Variants in PHF14 observed in about 807,000 individuals in gnomAD.
The protein encoded by PHF14 is PHD finger protein 14.
In PHF14, 55 loss-of-function variants were observed where a neutral mutation model predicts 117.9. That is an observed-to-expected ratio of 0.47 (90% CI 0.38 to 0.58). The LOEUF (loss-of-function observed/expected upper bound fraction) is 0.58. Among genes scored for constraint, PHF14 ranks in the 20% least tolerant of loss-of-function variants. The pLI, the probability that PHF14 is intolerant of heterozygous loss-of-function variation, is 0.00. For synonymous variants in PHF14, 409 were observed against 368.6 expected (o/e 1.11, Z -1.26); for missense variants, 978 against 1,122.2 (o/e 0.87, Z 1.84).
chr7:11,074,633 A>C (rs1785760197), intron 16 of PHF14, among the ~76,000 whole-genome samples: 1 of 152,206 alleles, frequency 6.6e-6, no homozygotes, highest in South Asian at 2.1e-4. Flanking sequence ...AACCTGTGTT[A>C]TCACTCTTAA....
chr7:11,068,137 T>A (rs916929647), intron 16 of PHF14, among the ~76,000 whole-genome samples: 6 of 151,858 alleles, frequency 4.0e-5, no homozygotes, highest in African/African-American at 1.5e-4. Context: ...AATCACGAGG[T>A]CAGGAGATCG....
At chr7:11,048,998 A>G (rs1291342043) in intron 13 of PHF14, among the ~76,000 whole-genome samples, 3 of 152,322 alleles carry the variant, frequency 2.0e-5, no homozygotes, top group South Asian at 4.1e-4. Flanking sequence ...AAGTGAACAT[A>G]AGAATAAAGA....
At chr7:10,977,450 C>T (rs527395152) in intron 2 of PHF14, among the ~76,000 whole-genome samples, 152 of 152,110 alleles carry the variant, frequency 1.0e-3, no homozygotes, top group Non-Finnish European at 1.9e-3. Flanking sequence ...TTTTATATTT[C>T]TGTTTGGTTT....
intron 4 of PHF14, among the ~76,000 whole-genome samples, chr7:11,001,493 C>G (rs1043018350): frequency 6.6e-6 from 1 of 152,112 alleles, no homozygotes; most frequent in African/African-American, 2.4e-5. Context: ...GAAGAAATGA[C>G]ATCTTGACAA....
chr7:11,076,466 G>A (rs1481294158), intron 16 of PHF14, among the ~76,000 whole-genome samples: 2 of 151,544 alleles, frequency 1.3e-5, no homozygotes, highest in Admixed American at 6.6e-5. Context: ...AACTTTAGAT[G>A]TCATTGGATT....
At chr7:11,104,674 A>G (rs1181793755) in intron 16 of PHF14, 1 of 949,384 alleles carries the variant, frequency 1.1e-6, no homozygotes, top group Non-Finnish European at 1.3e-6. Context: ...AACGTTGTGC[A>G]TTGGAATCAC....
chr7:11,113,110 G>C (rs530992640), intron 17 of PHF14, among the ~76,000 whole-genome samples: 7 of 151,878 alleles, frequency 4.6e-5, no homozygotes, highest in African/African-American at 1.4e-4. Context: ...AAACAAGTTA[G>C]GAAAACAATT....
intron 7 of PHF14, among the ~76,000 whole-genome samples, chr7:11,032,615 C>G (rs1330270788): frequency 1.3e-5 from 2 of 151,994 alleles, no homozygotes; most frequent in South Asian, 2.1e-4. Context: ...AAAAGAAAAC[C>G]TTGAATTTAA....
chr7:11,016,692 T>G (rs1426245187), intron 5 of PHF14, among the ~76,000 whole-genome samples: 1 of 152,200 alleles, frequency 6.6e-6, no homozygotes, highest in African/African-American at 2.4e-5. Context: ...AAGCACATCA[T>G]GGAGAATGGG....
chr7:11,146,523 T>G (rs1438397979), intron 17 of PHF14, among the ~76,000 whole-genome samples: 1 of 152,190 alleles, frequency 6.6e-6, no homozygotes, highest in Non-Finnish European at 1.5e-5. Context: ...AGTGAAAGAC[T>G]ACAAAATATT....
intron 16 of PHF14, among the ~76,000 whole-genome samples, chr7:11,097,898 CTT>C (rs1786937539): frequency 6.6e-6 from 1 of 152,012 alleles, no homozygotes; most frequent in East Asian, 1.9e-4. Context: ...AAAATGAAGA[CTT>C]TAACATTTAA....
intron 16 of PHF14, among the ~76,000 whole-genome samples, chr7:11,077,405 A>C (rs1317322151): frequency 1.3e-5 from 2 of 151,892 alleles, no homozygotes; most frequent in Admixed American, 1.3e-4. Flanking sequence ...GATGAAGACC[A>C]TCCTGGCCAA....
rs979613195 is a variant in PHF14 at position 11,150,906 on chromosome 7, G to C, written c.2773-18510G>C. ...TTTTGAAATTCAGTATGTTAATAAG[G>C]TTTCAAACAATCCTGAAAGTTTGAA... On this transcript the variant is annotated intron_variant, in intron 17 of 17. Transcript: ENST00000634607. Among the ~76,000 whole-genome samples the C allele has an allele frequency of 4.1e-4, 62 of 152,016 alleles. 2 individuals carry two copies. Among genetic ancestry groups the C allele is most frequent in the Non-Finnish European group, 2.5e-4 (17 of 67,982 alleles).
At chr7:10,994,695 G>A (rs1782571148) in intron 4 of PHF14, among the ~76,000 whole-genome samples, 4 of 152,202 alleles carry the variant, frequency 2.6e-5, no homozygotes, top group Admixed American at 1.3e-4. Flanking sequence ...TTTTAAAGGC[G>A]GCGTGTCCGG....
intron 16 of PHF14, among the ~76,000 whole-genome samples, chr7:11,066,792 T>C (rs964492493): frequency 2.0e-5 from 3 of 152,206 alleles, no homozygotes; most frequent in African/African-American, 7.2e-5. Flanking sequence ...TTTATTCCTG[T>C]GCCAAGACCA....
chr7:11,062,752 A>G, intron 16 of PHF14: 1 of 985,308 alleles, frequency 1.0e-6, no homozygotes, highest in Non-Finnish European at 1.2e-6. Context: ...TTTAGCGGAA[A>G]TGAAGACATT....
intron 4 of PHF14, among the ~76,000 whole-genome samples, chr7:10,994,895 T>C (rs1782578982): frequency 6.6e-6 from 1 of 152,158 alleles, no homozygotes; most frequent in African/African-American, 2.4e-5. Flanking sequence ...GCTTCCACAG[T>C]GTGGAAGGGG....
chr7:11,129,914 A>T (rs2128348430), intron 17 of PHF14, among the ~76,000 whole-genome samples: 1 of 152,158 alleles, frequency 6.6e-6, no homozygotes, highest in South Asian at 2.1e-4. Flanking sequence ...GCAAAAAGAG[A>T]TTGGCAAAAA....
At chr7:11,026,512 A>T (rs146163619) in intron 6 of PHF14, among the ~76,000 whole-genome samples, 2,213 of 152,250 alleles carry the variant, frequency 0.015, 32 homozygotes, top group Non-Finnish European at 0.02. Flanking sequence ...AGATGTATTT[A>T]TTGGGCAGCA....
Sources: allele counts gnomAD v4.1 joint callset (sites outside exome capture counted in the v4.1 genomes callset), GRCh38; gene constraint gnomAD v4.1.1; transcripts MANE v1.5; gene names NCBI Gene and HGNC (gene_info 2026-07-23, HGNC 2026-07-21).